Variants in ASB15 observed in about 807,000 individuals in gnomAD.
ASB15 encodes the protein ankyrin repeat and SOCS box containing 15.
ASB15 carries 54 observed loss-of-function variants against 58.0 expected under a neutral mutation model. The ratio of observed to expected loss-of-function variants is 0.93; its 90% confidence interval spans 0.75 to 1.17. ASB15 has a LOEUF of 1.17. ASB15 is among the 50% of genes most tolerant of loss of function. The pLI is 0.00. For synonymous variants in ASB15, 249 were observed against 262.4 expected (o/e 0.95, Z 0.50); for missense variants, 680 against 707.4 (o/e 0.96, Z 0.44).
At chr7:123,601,634 T>C (rs1799884220), upstream of ASB15, among the ~76,000 whole-genome samples, 1 of 152,190 alleles carries the variant, frequency 6.6e-6, no homozygotes, top group Non-Finnish European at 1.5e-5. Context: ...AGGTCCTTTG[T>C]TTTCATAAGA....
chr7:123,623,926 GAAA>G (rs1801532945), intron 7 of ASB15, among the ~76,000 whole-genome samples: 4 of 69,884 alleles, frequency 5.7e-5, no homozygotes, highest in Non-Finnish European at 1.1e-4. Flanking sequence ...AAGGAAGAAA[GAAA>G]GAAAAGAAAG....
At chr7:123,591,334 A>T (rs188268255) in intron 1 of ASB15, among the ~76,000 whole-genome samples, 19 of 152,220 alleles carry the variant, frequency 1.2e-4, no homozygotes, top group African/African-American at 4.3e-4. Flanking sequence ...TTCCAATACT[A>T]TGTTGAATAG....
intron 1 of ASB15, chr7:123,585,107 A>T (rs1017715851): frequency 6.6e-6 from 1 of 151,774 alleles, no homozygotes; most frequent in Non-Finnish European, 1.5e-5. Context: ...GGAAAAGACC[A>T]ATATACGTAT....
chr7:123,624,928 G>A (rs1801675183), intron 8 of ASB15, 114 bp downstream of exon 8: 2 of 1,305,618 alleles, frequency 1.5e-6, no homozygotes, highest in Admixed American at 4.7e-5. Context: ...CTCTTCCTCT[G>A]CTGAATGGAA....
At chr7:123,634,887 A>G (rs1802332524) in intron 11 of ASB15, among the ~76,000 whole-genome samples, 1 of 152,180 alleles carries the variant, frequency 6.6e-6, no homozygotes. Flanking sequence ...ATCAAACCCG[A>G]GCCTGATCAA....
At chr7:123,574,623 A>C (rs1488411209) in intron 1 of ASB15, among the ~76,000 whole-genome samples, 1 of 152,138 alleles carries the variant, frequency 6.6e-6, no homozygotes. Flanking sequence ...TCATATCTAC[A>C]TTCCCAAGTT....
chr7:123,611,542 C>T (rs1435115860), intron 3 of ASB15, among the ~76,000 whole-genome samples: 2 of 152,114 alleles, frequency 1.3e-5, no homozygotes, highest in African/African-American at 2.4e-5. Context: ...GTGACCCACC[C>T]GCCTTGGCCT....
At chr7:123,623,936 AAAG>A (rs1801550791) in intron 7 of ASB15, among the ~76,000 whole-genome samples, 5 of 20,930 alleles carry the variant, frequency 2.4e-4, no homozygotes, top group African/African-American at 6.2e-4. Flanking sequence ...GAAAGAAAAG[AAAG>A]AAAGAAAGAA....
chr7:123,583,920 A>C (rs1375344359), intron 1 of ASB15, among the ~76,000 whole-genome samples: 2 of 151,964 alleles, frequency 1.3e-5, no homozygotes, highest in African/African-American at 4.8e-5. Flanking sequence ...TTGACTTAGC[A>C]GCAGAATTTG....
At chr7:123,600,110 G>A (rs1799825330), upstream of ASB15, among the ~76,000 whole-genome samples, 1 of 152,104 alleles carries the variant, frequency 6.6e-6, no homozygotes, top group Non-Finnish European at 1.5e-5. Context: ...TTAAAATGGT[G>A]GTGCCATGGT....
chr7:123,624,485 A>G (rs569292163), intron 7 of ASB15, 84 bp from the exon 8 acceptor site: 1 of 1,308,242 alleles, frequency 7.6e-7, no homozygotes, highest in African/African-American at 1.5e-5. Flanking sequence ...ATCTATTTCA[A>G]TATTAAATTT....
chr7:123,622,758 A>G (rs1020041388), intron 7 of ASB15: 1 of 152,222 alleles, frequency 6.6e-6, no homozygotes, highest in Non-Finnish European at 1.5e-5. Context: ...TTTGCTCTGC[A>G]ATAACACCAG....
intron 11 of ASB15, among the ~76,000 whole-genome samples, chr7:123,636,440 G>T (rs182860675): frequency 4.6e-5 from 7 of 152,228 alleles, no homozygotes; most frequent in Admixed American, 2.0e-4. Flanking sequence ...GTAGGAGAAA[G>T]AAAGTAAAGA....
intron 1 of ASB15, among the ~76,000 whole-genome samples, chr7:123,572,188 CTGGAGT>C (rs1207989169): frequency 3.6e-5 from 4 of 112,362 alleles, no homozygotes; most frequent in African/African-American, 1.4e-4. Flanking sequence ...TGTCACTAGG[CTGGAGT>C]GCAGTGACGC....
intron 10 of ASB15, 89 bp downstream of exon 10, chr7:123,629,523 A>G (rs1055938615): frequency 5.8e-6 from 7 of 1,215,094 alleles, no homozygotes; most frequent in Admixed American, 2.5e-5. Flanking sequence ...GAAAAGAAAA[A>G]TAAACTCTAA....
rs978199674 is a variant in ASB15 at position 123,624,834 on chromosome 7, A to G, written c.697+20A>G. 1 of 1,605,782 alleles carries G rather than the reference A, an allele frequency of 6.2e-7. No homozygotes were observed. The highest frequency in any genetic ancestry group is 8.5e-7 in the Non-Finnish European group (1 of 1,175,100). On this transcript the variant is annotated intron_variant, in intron 8 of 11. Transcript: ENST00000451215. The stretch of plus-strand genomic sequence containing the variant: ...ACAAAGGTATGTGAAAAGGAGTTAC[A>G]CTTCCTGACTTTTGTCCTGCCTCTC...
At chr7:123,608,245 C>T (rs1422235694) in intron 2 of ASB15, among the ~76,000 whole-genome samples, 1 of 151,954 alleles carries the variant, frequency 6.6e-6, no homozygotes, top group African/African-American at 2.4e-5. Flanking sequence ...TCAGTAAAGC[C>T]CCAAAATTTG....
At chr7:123,573,564 TC>T (rs899911516) in intron 1 of ASB15, among the ~76,000 whole-genome samples, 1 of 151,946 alleles carries the variant, frequency 6.6e-6, no homozygotes, top group Non-Finnish European at 1.5e-5. Context: ...CTAGCCTCCC[TC>T]CCCCTGCCAT....
At chr7:123,635,706 TAG>T (rs377276054) in intron 11 of ASB15, among the ~76,000 whole-genome samples, 117 of 146,978 alleles carry the variant, frequency 8.0e-4, no homozygotes, top group African/African-American at 2.8e-3. Flanking sequence ...TTACTGCAAC[TAG>T]AGTCGAAGCC....
Sources: gnomAD v4.1 joint callset for allele counts (sites outside exome capture counted in the v4.1 genomes callset) on GRCh38, gnomAD v4.1.1 for gene constraint, MANE v1.5 for transcripts, NCBI Gene and HGNC (gene_info 2026-07-23, HGNC 2026-07-21) for gene names.